SOX5: variants seen among roughly 807,000 people sequenced by gnomAD.
SOX5 encodes the protein transcription factor SOX-5.
Under a neutral mutation model 92.0 loss-of-function variants are expected in SOX5, and 9 were observed. The observed-to-expected ratio is 0.10, with a 90% CI of 0.06 to 0.17. The LOEUF (loss-of-function observed/expected upper bound fraction) is 0.17. Ranked by LOEUF, SOX5 falls within the 10% of genes least tolerant of loss-of-function variation. The pLI is 1.00. For missense variants in SOX5, 642 were observed against 944.5 expected, an observed-to-expected ratio of 0.68 and a Z score of 4.20; for synonymous variants, 344 against 336.3, an observed-to-expected ratio of 1.02 and a Z score of -0.25.
At chr12:23,558,280 C>G (rs890375909) in intron 11 of SOX5, among the ~76,000 whole-genome samples, 1 of 152,156 alleles carries the variant, frequency 6.6e-6, no homozygotes, top group Non-Finnish European at 1.5e-5. Flanking sequence ...AAAGTAGTCT[C>G]TTTTCCTTTG....
chr12:24,086,641 G>A (rs1250265278), intron 4 of SOX5, among the ~76,000 whole-genome samples: 1 of 151,888 alleles, frequency 6.6e-6, no homozygotes, highest in Non-Finnish European at 1.5e-5. Context: ...TCTTTTGTTT[G>A]TACTATATTA....
chr12:24,390,686 T>G (rs896871411), intron 1 of SOX5, among the ~76,000 whole-genome samples: 1 of 152,196 alleles, frequency 6.6e-6, no homozygotes, highest in African/African-American at 2.4e-5. Flanking sequence ...ACTTTCTCTT[T>G]GAATTATTTC....
chr12:23,922,943 CT>C (rs372074468), intron 1 of SOX5, among the ~76,000 whole-genome samples: 336 of 142,870 alleles, frequency 2.4e-3, no homozygotes, highest in Admixed American at 2.0e-3. Context: ...GAAGCTCCTT[CT>C]TTTTTTTTTT....
intron 9 of SOX5, 131 bp from the exon 10 acceptor site, chr12:23,575,969 G>T: frequency 1.6e-6 from 1 of 628,738 alleles, no homozygotes. Flanking sequence ...CATTCATTCT[G>T]AACATTACAG....
chr12:23,907,045 T>C (rs916776482), intron 1 of SOX5, among the ~76,000 whole-genome samples: 1 of 152,190 alleles, frequency 6.6e-6, no homozygotes, highest in Non-Finnish European at 1.5e-5. Flanking sequence ...GACAATCTTT[T>C]CTGCTTTCTA....
At chr12:23,857,214 G>T (rs1459871122) in intron 2 of SOX5, among the ~76,000 whole-genome samples, 1 of 152,166 alleles carries the variant, frequency 6.6e-6, no homozygotes, top group African/African-American at 2.4e-5. Context: ...GGTCATGAAA[G>T]TCAAGTAGGG....
In SOX5 at chr12:23,832,796, C is replaced by CA. The variant is rs555310943; in HGVS notation, c.481+13186dup. 3.2e-3 allele frequency among the ~76,000 whole-genome samples: 435 copies of CA among 135,794 alleles called. 3 individuals carry two copies. Among genetic ancestry groups the CA allele is most frequent in the Middle Eastern group, 0.015 (4 of 266 alleles). The allele number at this position is 135,794 out of a possible 152,430, so 89.1% of individuals were successfully genotyped here. A position where few individuals can be genotyped will look rare whatever the true frequency, so the allele number is the denominator to read the frequency against. On this transcript the variant is annotated intron_variant, in intron 3 of 14. Coordinates refer to ENST00000451604, the MANE Select transcript of SOX5 (RefSeq NM_006940.6). The stretch of plus-strand genomic sequence containing the variant: ...TACAAGGTAGATGCTCACTTTTAGG[C>CA]AAAAAAAAAAACCCTTACTTTAAAT...
intron 3 of SOX5, among the ~76,000 whole-genome samples, chr12:23,764,682 T>C (rs1186430107): frequency 6.6e-6 from 1 of 152,100 alleles, no homozygotes; most frequent in African/African-American, 2.4e-5. Context: ...AAATTAATAT[T>C]TGCAGAATTT....
At chr12:24,334,405 G>A (rs1430004666) in intron 2 of SOX5, among the ~76,000 whole-genome samples, 2 of 152,000 alleles carry the variant, frequency 1.3e-5, no homozygotes, top group Non-Finnish European at 2.9e-5. Flanking sequence ...GATGTGAACA[G>A]AAAATTCACA....
chr12:23,566,013 C>T (rs539278010), intron 10 of SOX5, among the ~76,000 whole-genome samples: 2 of 152,286 alleles, frequency 1.3e-5, no homozygotes, highest in African/African-American at 4.8e-5. Context: ...AATTTATTTC[C>T]ATTTATGCCT....
intron 4 of SOX5, among the ~76,000 whole-genome samples, chr12:24,211,666 C>T (rs1958627623): frequency 6.6e-6 from 1 of 152,176 alleles, no homozygotes; most frequent in African/African-American, 2.4e-5. Flanking sequence ...TGTGAGGTAG[C>T]ATAATGTAGT....
intron 3 of SOX5, among the ~76,000 whole-genome samples, chr12:23,814,744 G>T (rs76538997): frequency 0.094 from 14,312 of 152,186 alleles, 805 homozygotes; most frequent in East Asian, 0.2. Flanking sequence ...GTTAGAGACT[G>T]AAGCAAACAC....
At chr12:24,468,436 A>G (rs772589542) in intron 1 of SOX5, among the ~76,000 whole-genome samples, 7 of 151,934 alleles carry the variant, frequency 4.6e-5, no homozygotes, top group Non-Finnish European at 8.8e-5. Flanking sequence ...AATAAATACT[A>G]TGGTAGTGCT....
chr12:23,943,520 C>T (rs1408824743), intron 1 of SOX5, among the ~76,000 whole-genome samples: 2 of 152,062 alleles, frequency 1.3e-5, no homozygotes, highest in East Asian at 1.9e-4. Flanking sequence ...CATTTATACG[C>T]TGCTGTACCA....
At chr12:23,934,865 G>A (rs772692777) in intron 1 of SOX5, among the ~76,000 whole-genome samples, 11 of 151,242 alleles carry the variant, frequency 7.3e-5, no homozygotes, top group South Asian at 2.1e-4. Flanking sequence ...TATGTAAATC[G>A]CAAAGATCAC....
chr12:24,193,507 A>G (rs918301262), intron 4 of SOX5, among the ~76,000 whole-genome samples: 6 of 152,240 alleles, frequency 3.9e-5, no homozygotes, highest in Non-Finnish European at 8.8e-5. Flanking sequence ...AAATATCTCA[A>G]GTATCACTAC....
chr12:24,184,064 A>C (rs1047672697), intron 4 of SOX5, among the ~76,000 whole-genome samples: 1 of 152,158 alleles, frequency 6.6e-6, no homozygotes, highest in East Asian at 1.9e-4. Context: ...CCTATCTGCA[A>C]ATACCTTAGA....
At chr12:23,702,495 T>C (rs1469658886) in intron 6 of SOX5, among the ~76,000 whole-genome samples, 1 of 152,068 alleles carries the variant, frequency 6.6e-6, no homozygotes, top group East Asian at 1.9e-4. Flanking sequence ...AACCATATTT[T>C]ACTTTGACTG....
At chr12:23,683,980 T>C (rs1426441044) in intron 6 of SOX5, among the ~76,000 whole-genome samples, 2 of 151,974 alleles carry the variant, frequency 1.3e-5, no homozygotes, top group Non-Finnish European at 1.5e-5. Flanking sequence ...GAAAGACAGA[T>C]GTCGAGAGAC....
Sources: allele counts gnomAD v4.1 joint callset (sites outside exome capture counted in the v4.1 genomes callset), GRCh38; gene constraint gnomAD v4.1.1; transcripts MANE v1.5; gene names NCBI Gene and HGNC (gene_info 2026-07-23, HGNC 2026-07-21).